SV2C: variants seen among roughly 807,000 people sequenced by gnomAD.
SV2C encodes the protein synaptic vesicle glycoprotein 2C.
SV2C carries 49 observed loss-of-function variants against 79.7 expected under a neutral mutation model. The ratio of observed to expected loss-of-function variants is 0.61; its 90% CI spans 0.49 to 0.78. The LOEUF (loss-of-function observed/expected upper bound fraction) is 0.78, where lower values mean the gene tolerates loss of function less well. Among genes scored for constraint, SV2C ranks in the 30% least tolerant of loss-of-function variants. SV2C has a pLI of 0.00. For synonymous variants in SV2C, 334 were observed against 333.2 expected, an observed-to-expected ratio of 1.00 and a Z score of -0.03; for missense variants, 833 against 912.9, an observed-to-expected ratio of 0.91 and a Z score of 1.13.
At chr5:76,101,370 G>A (rs957143242) in intron 1 of SV2C, among the ~76,000 whole-genome samples, 2 of 152,172 alleles carry the variant, frequency 1.3e-5, no homozygotes, top group African/African-American at 4.8e-5. Flanking sequence ...ATACCAGTTA[G>A]GAGTGGCCAA....
the SV2C span, among the ~76,000 whole-genome samples, chr5:75,968,828 C>A: frequency 6.6e-6 from 1 of 152,132 alleles, no homozygotes; most frequent in Non-Finnish European, 1.5e-5. Flanking sequence ...TAGAGAACAC[C>A]ACAAAGATAC....
At chr5:75,996,685 G>A in the SV2C span, among the ~76,000 whole-genome samples, 6 of 152,146 alleles carry the variant, frequency 3.9e-5, no homozygotes, top group South Asian at 1.2e-3. Flanking sequence ...AGTTCTCCTT[G>A]AAGAGGGCCT....
chr5:76,269,409 A>G, intron 4 of SV2C, among the ~76,000 whole-genome samples: 1 of 152,218 alleles, frequency 6.6e-6, no homozygotes, highest in Non-Finnish European at 1.5e-5. Context: ...TTTTTATCAG[A>G]TGTAACTGCT....
chr5:75,968,857 T>C, the SV2C span, among the ~76,000 whole-genome samples: 4 of 152,130 alleles, frequency 2.6e-5, no homozygotes, highest in East Asian at 7.7e-4. Flanking sequence ...AAGAGCAACT[T>C]CAAGACACAT....
the SV2C span, among the ~76,000 whole-genome samples, chr5:76,018,209 T>C: frequency 2.0e-5 from 3 of 152,198 alleles, no homozygotes; most frequent in Admixed American, 6.5e-5. Flanking sequence ...TTGATTAAAT[T>C]AGTAATGGTG....
chr5:75,852,810 A>G, the SV2C span, among the ~76,000 whole-genome samples: 2 of 142,616 alleles, frequency 1.4e-5, no homozygotes, highest in African/African-American at 5.5e-5. Flanking sequence ...TGGGCGACAG[A>G]GCGAGACTCC....
chr5:76,164,744 G>A (rs1337473539), intron 2 of SV2C, among the ~76,000 whole-genome samples: 1 of 151,636 alleles, frequency 6.6e-6, no homozygotes, highest in Non-Finnish European at 1.5e-5. Flanking sequence ...GTGTGTGTGT[G>A]TGTGTGTAAA....
chr5:76,222,600 C>G (rs1267640541), intron 4 of SV2C, among the ~76,000 whole-genome samples: 1 of 152,160 alleles, frequency 6.6e-6, no homozygotes, highest in African/African-American at 2.4e-5. Flanking sequence ...ACACATTGCA[C>G]TAATGTCAGT....
intron 2 of SV2C, among the ~76,000 whole-genome samples, chr5:76,172,006 C>A (rs1743295345): frequency 7.9e-6 from 1 of 125,952 alleles, no homozygotes; most frequent in Non-Finnish European, 1.8e-5. Context: ...GCCCTCCGCC[C>A]GGCCAGCCGC....
intron 4 of SV2C, among the ~76,000 whole-genome samples, chr5:76,264,830 G>A (rs927659861): frequency 6.6e-6 from 1 of 152,206 alleles, no homozygotes; most frequent in African/African-American, 2.4e-5. Flanking sequence ...ACGGGCACCA[G>A]CCTGATGCCA....
chr5:76,032,684 T>G, the SV2C span, among the ~76,000 whole-genome samples: 1 of 152,332 alleles, frequency 6.6e-6, no homozygotes, highest in South Asian at 2.1e-4. Flanking sequence ...TCTTTGCTAT[T>G]GTGAATAATG....
Position 76,242,484 on chromosome 5 carries a change from A to T in SV2C, c.913+32597A>T, listed in dbSNP as rs1745820237. The T allele has an allele frequency of 6.0e-6, 3 of 497,556 alleles. No homozygotes were observed. The East Asian group carries it at 1.5e-4, about 24-fold the overall frequency. The allele number at this position is 497,556 out of a possible 1,614,324, so 30.8% of individuals were successfully genotyped here. A position where few individuals can be genotyped will look rare whatever the true frequency, so the allele number is the denominator to read the frequency against. On this transcript the variant is annotated intron_variant, in intron 4 of 12. Transcript: ENST00000502798. ...ATTACAGGCATGAACCAATGCGCCC[A>T]GCCCAGTTTGCACTTTTAATAAGGA...
chr5:76,195,423 C>T (rs1381933367), intron 3 of SV2C, among the ~76,000 whole-genome samples: 1 of 152,146 alleles, frequency 6.6e-6, no homozygotes, highest in Admixed American at 6.6e-5. Context: ...TAGGAAATAG[C>T]TCTCGTCCTA....
At chr5:75,951,253 C>T in the SV2C span, among the ~76,000 whole-genome samples, 1 of 151,970 alleles carries the variant, frequency 6.6e-6, no homozygotes, top group Non-Finnish European at 1.5e-5. Context: ...ATGGATCTGG[C>T]CTTATGCCTG....
chr5:76,282,304 C>T (rs1469763412), intron 4 of SV2C, among the ~76,000 whole-genome samples: 2 of 152,234 alleles, frequency 1.3e-5, no homozygotes, highest in Non-Finnish European at 2.9e-5. Context: ...AAGAGATTTA[C>T]ATTCACCAGA....
chr5:76,022,230 C>T, the SV2C span, among the ~76,000 whole-genome samples: 98 of 152,292 alleles, frequency 6.4e-4, 1 homozygote, highest in African/African-American at 2.4e-3. Flanking sequence ...TCAACAGATG[C>T]CCTCTTGGCC....
chr5:76,209,687 A>G (rs13173599), intron 3 of SV2C, 49 bp from the exon 4 acceptor site: 7 of 1,579,630 alleles, frequency 4.4e-6, no homozygotes, highest in Admixed American at 1.7e-5. Context: ...TGCGTCTCAC[A>G]TGAGCTGTCC....
At chr5:76,339,525 T>C (rs999513484) in intron 12 of SV2C, among the ~76,000 whole-genome samples, 5 of 152,060 alleles carry the variant, frequency 3.3e-5, no homozygotes, top group Admixed American at 6.6e-5. Flanking sequence ...CCATCCTGGC[T>C]AACAAGGTGA....
chr5:75,998,683 T>G, the SV2C span, among the ~76,000 whole-genome samples: 436 of 152,122 alleles, frequency 2.9e-3, 1 homozygote, highest in Non-Finnish European at 4.4e-3. Flanking sequence ...TGTGGGTGTG[T>G]GTGTGTGTAT....
Sources: allele counts gnomAD v4.1 joint callset (sites outside exome capture counted in the v4.1 genomes callset), GRCh38; gene constraint gnomAD v4.1.1; transcripts MANE v1.5; gene names NCBI Gene and HGNC (gene_info 2026-07-23, HGNC 2026-07-21).